Variants in DNMT3A observed in about 807,000 individuals in gnomAD.
DNMT3A encodes DNA (cytosine-5)-methyltransferase 3A.
Under a neutral mutation model 117.6 loss-of-function variants are expected in DNMT3A, and 267 were observed. The observed-to-expected ratio is 2.27, with a 90% CI of 2.05 to 2.51. DNMT3A has a LOEUF of 2.51. Ranked by LOEUF, DNMT3A falls within the 30% of genes most tolerant of loss-of-function variation. The pLI is 0.00. For synonymous variants in DNMT3A, 432 were observed against 474.8 expected (o/e 0.91, Z 1.17); for missense variants, 1,029 against 1,260.2 (o/e 0.82, Z 2.78).
At chr2:25,244,018 A>C (rs771638382) in intron 15 of DNMT3A, 36 bp from the exon 16 acceptor site, 4 of 1,551,738 alleles carry the variant, frequency 2.6e-6, no homozygotes, top group Non-Finnish European at 3.5e-6. Flanking sequence ...ATGCAGGCCC[A>C]GCGGTGTCCC....
intron 6 of DNMT3A, chr2:25,249,523 C>A (rs1675260670): frequency 2.0e-6 from 2 of 1,023,168 alleles, no homozygotes; most frequent in Non-Finnish European, 3.0e-6. Flanking sequence ...CCCTTCAGAT[C>A]CATAAATACA....
rs1309955148 is a variant in DNMT3A, at chr2:25,252,051, G to T, written c.640-3799C>A. On this transcript the variant is annotated intron_variant, in intron 6 of 22. Transcript: ENST00000321117. This position sits in a 1 kb window ranked among gnomAD's most constrained non-coding sequence, Gnocchi z 5.5. ...CACTAAGTCAGCATCTCCAGAACTC[G>T]GGCCAGGCCGGGACGCCGCGGCTGC... 3 of 1,102,496 alleles carry T rather than the reference G, an allele frequency of 2.7e-6. No homozygotes were observed. Among genetic ancestry groups the T allele is most frequent in the East Asian group, 3.0e-5 (1 of 32,908 alleles). The allele number at this position is 1,102,496 out of a possible 1,614,324, so 68.3% of individuals were successfully genotyped here.
chr2:25,318,699 T>TTTA (rs1035040246), intron 1 of DNMT3A, among the ~76,000 whole-genome samples: 1 of 123,728 alleles, frequency 8.1e-6, no homozygotes, highest in African/African-American at 3.2e-5. Flanking sequence ...TTTTCTTTTC[T>TTTA]TTTTTTTTTT....
rs2035312567 is a variant in DNMT3A at position 25,339,003 on chromosome 2, A to G, written c.-178+2823T>C. Among the ~76,000 whole-genome samples, 1 of 151,888 alleles carries G rather than the reference A, an allele frequency of 6.6e-6. No individual in the cohort carries two copies. The highest frequency in any genetic ancestry group is 2.4e-5 in the African/African-American group (1 of 41,308). On this transcript the variant is annotated intron_variant, in intron 1 of 22. Coordinates refer to ENST00000321117, the MANE Select transcript of DNMT3A (RefSeq NM_022552.5). The surrounding 1 kb of genome is among the most constrained non-coding windows in gnomAD (Gnocchi z 4.9). ...GCTTAAAGGAGGCTGTACTTTTTAC[A>G]CCCTCTGCAGAGTCGGACGTGACCA... is the stretch of plus-strand genomic sequence containing the variant.
Position 25,240,640 on chromosome 2 carries a change from C to A in DNMT3A, c.2173G>T (p.Glu725Ter). The change falls in exon 18 of 23, where the codon GAG becomes TAG. Residue 725 changes from glutamate (E) to a stop codon, truncating the protein, a stop_gained and splice_region_variant. Coordinates refer to ENST00000321117, the MANE Select transcript of DNMT3A (RefSeq NM_022552.5). LOFTEE classifies it high-confidence loss of function. ...IVNPARKGLYEGTGRLFFEFY... is the reference protein window; with the variant it reads ...IVNPARKGLY ...GTGGAGGGGACAGGATGGTACCTAC[C>A]GTAGAGGCCCTTGCGAGCAGGGTTG... The A allele has an allele frequency of 6.2e-7, 1 of 1,614,170 alleles. No individual in the cohort carries two copies. Among genetic ancestry groups the A allele is most frequent in the Non-Finnish European group, 8.5e-7 (1 of 1,180,004 alleles).
chr2:25,274,736 G>A (rs1369969890), intron 6 of DNMT3A, among the ~76,000 whole-genome samples: 3 of 152,200 alleles, frequency 2.0e-5, no homozygotes, highest in African/African-American at 4.8e-5. Context: ...AACCGTATAC[G>A]CCCAGGGTCT....
rs1197074841 is a variant in DNMT3A, at chr2:25,306,329, C to T, written c.73-6086G>A. On this transcript the variant is annotated intron_variant, in intron 2 of 22. Coordinates refer to ENST00000321117, the MANE Select transcript of DNMT3A (RefSeq NM_022552.5). This position sits in a 1 kb window ranked among gnomAD's most constrained non-coding sequence, Gnocchi z 4.1. ...TCCAAAGCCCCCTACTTTTTCTGAT[C>T]TCAGTCACCTCCCAAGGCTCATCAG... is the stretch of plus-strand genomic sequence containing the variant. 1.3e-5 allele frequency among the ~76,000 whole-genome samples: 2 copies of T among 152,210 alleles called. No homozygotes were observed. The highest frequency in any genetic ancestry group is 2.9e-5 in the Non-Finnish European group (2 of 68,032).
intron 6 of DNMT3A, among the ~76,000 whole-genome samples, chr2:25,253,123 C>T (rs1240092642): frequency 6.6e-6 from 1 of 152,140 alleles, no homozygotes; most frequent in Non-Finnish European, 1.5e-5. Flanking sequence ...TCGAGAAGAC[C>T]TGACTCCTCT....
At chr2:25,283,649 GCAAA>G (rs2032065918) in intron 3 of DNMT3A, among the ~76,000 whole-genome samples, 1 of 152,198 alleles carries the variant, frequency 6.6e-6, no homozygotes, top group South Asian at 2.1e-4. Flanking sequence ...CAAGGCTCTG[GCAAA>G]CAGTTTTCAG....
chr2:25,275,673 A>G (rs1048095178), intron 4 of DNMT3A, 130 bp from the exon 5 acceptor site: 7 of 984,990 alleles, frequency 7.1e-6, no homozygotes, highest in Non-Finnish European at 8.8e-6. Flanking sequence ...TTAGCTGTTC[A>G]TGTGTTAAAT....
rs2033213424 is a variant in DNMT3A, at chr2:25,298,261, A to T, written c.177+1878T>A. 6.6e-6 allele frequency among the ~76,000 whole-genome samples: 1 copy of T among 152,290 alleles called. No individual in the cohort carries two copies. Among genetic ancestry groups the T allele is most frequent in the South Asian group, 2.1e-4 (1 of 4,820 alleles). On this transcript the variant is annotated intron_variant, in intron 3 of 22. Coordinates refer to ENST00000321117, the MANE Select transcript of DNMT3A (RefSeq NM_022552.5). The surrounding 1 kb of genome is among the most constrained non-coding windows in gnomAD (Gnocchi z 4.3). ...TCTGCCCTGGAGCGTGCTTCAGGCC[A>T]GGGGATGTAGGACTGCCGGCCCCTC...
chr2:25,336,280 C>T (rs1253166160), intron 1 of DNMT3A, among the ~76,000 whole-genome samples: 10 of 152,198 alleles, frequency 6.6e-5, no homozygotes, highest in Non-Finnish European at 1.2e-4. Context: ...AGGAACCTGA[C>T]GTCTTCACCC....
rs992311014 is a variant in DNMT3A at position 25,293,833 on chromosome 2, C to T, written c.177+6306G>A. On this transcript the variant is annotated intron_variant, in intron 3 of 22. Transcript: ENST00000321117. This position sits in a 1 kb window ranked among gnomAD's most constrained non-coding sequence, Gnocchi z 4.7. ...GACCACAGGTATGTGCCACCACATTCGGCTTTTTTCTATTTTTAGTAGAGA... is the reference window on the plus strand; with the variant it reads ...GACCACAGGTATGTGCCACCACATTTGGCTTTTTTCTATTTTTAGTAGAGA... 2.6e-5 allele frequency among the ~76,000 whole-genome samples: 4 copies of T among 152,130 alleles called. No individual in the cohort carries two copies. The highest frequency in any genetic ancestry group is 4.4e-5 in the Non-Finnish European group (3 of 68,020).
At chr2:25,310,915 C>T (rs1304107052) in intron 2 of DNMT3A, among the ~76,000 whole-genome samples, 1 of 152,130 alleles carries the variant, frequency 6.6e-6, no homozygotes, top group African/African-American at 2.4e-5. Flanking sequence ...TGAAGTTGCT[C>T]ATTTGGGGAT....
At chr2:25,313,275 G>A (rs2034213120) in intron 2 of DNMT3A, among the ~76,000 whole-genome samples, 5 of 151,448 alleles carry the variant, frequency 3.3e-5, no homozygotes, top group Admixed American at 3.3e-4. Context: ...CCCCCAACTA[G>A]ATTCTGAAAA....
intron 1 of DNMT3A, among the ~76,000 whole-genome samples, chr2:25,324,009 G>A (rs927447134): frequency 1.3e-5 from 2 of 152,192 alleles, no homozygotes; most frequent in Non-Finnish European, 2.9e-5. Flanking sequence ...CAATCAGCAT[G>A]TGACTGCTGC....
intron 16 of DNMT3A, among the ~76,000 whole-genome samples, chr2:25,243,344 A>G (rs1221754384): frequency 1.3e-5 from 2 of 152,192 alleles, no homozygotes; most frequent in Non-Finnish European, 2.9e-5. Context: ...GACATGAAAA[A>G]GCAATCATAA....
At chr2:25,331,478 C>T (rs530622516) in intron 1 of DNMT3A, among the ~76,000 whole-genome samples, 172 of 152,322 alleles carry the variant, frequency 1.1e-3, no homozygotes, top group Middle Eastern at 6.8e-3. Context: ...TGGAGAGTGA[C>T]GGAAAGGCTG....
At chr2:25,299,561 T>C (rs2033299645) in intron 3 of DNMT3A, among the ~76,000 whole-genome samples, 1 of 152,204 alleles carries the variant, frequency 6.6e-6, no homozygotes, top group Admixed American at 6.5e-5. Context: ...GTCAGGGGCC[T>C]GGTCCAAGTC....
Sources: allele counts gnomAD v4.1 joint callset (sites outside exome capture counted in the v4.1 genomes callset), GRCh38; gene constraint gnomAD v4.1.1; non-coding constraint Gnocchi (gnomAD v3.1); transcripts MANE v1.5; gene names NCBI Gene and HGNC (gene_info 2026-07-23, HGNC 2026-07-21).